Variants in PTK2 observed in about 807,000 individuals in gnomAD.
PTK2 encodes the protein protein tyrosine kinase 2, also known as focal adhesion kinase 1.
Under a neutral mutation model 150.1 loss-of-function variants are expected in PTK2, and 45 were observed. The ratio of observed to expected loss-of-function variants is 0.30; its 90% confidence interval spans 0.24 to 0.38. The LOEUF (loss-of-function observed/expected upper bound fraction) is 0.38. Ranked by LOEUF, PTK2 falls within the 10% of genes least tolerant of loss-of-function variation. PTK2 has a pLI of 1.00. For missense variants in PTK2, 919 were observed against 1,307.3 expected, an observed-to-expected ratio of 0.70 and a Z score of 4.58; for synonymous variants, 432 against 449.2, an observed-to-expected ratio of 0.96 and a Z score of 0.48.
chr8:140,940,967 T>C (rs2100175533), intron 1 of PTK2, among the ~76,000 whole-genome samples: 1 of 151,858 alleles, frequency 6.6e-6, no homozygotes, highest in Admixed American at 6.6e-5. Context: ...CGAAACTCCA[T>C]CTCAAAAAAA....
At chr8:140,693,564 T>TAAAAAAAAAAAAAAA (rs377205785) in intron 26 of PTK2, among the ~76,000 whole-genome samples, 2 of 72,458 alleles carry the variant, frequency 2.8e-5, no homozygotes, top group African/African-American at 6.0e-5. Context: ...TTGTCTCAAT[T>TAAAAAAAAAAAAAAA]AAAAAAAAAA....
At chr8:140,725,962 T>G (rs192521261) in intron 22 of PTK2, among the ~76,000 whole-genome samples, 1 of 152,122 alleles carries the variant, frequency 6.6e-6, no homozygotes, top group East Asian at 1.9e-4. Flanking sequence ...AAGAAGCTAT[T>G]ATATTCAAGG....
chr8:140,674,850 C>A (rs1221298176), intron 28 of PTK2, among the ~76,000 whole-genome samples: 4 of 150,586 alleles, frequency 2.7e-5, no homozygotes, highest in African/African-American at 9.8e-5. Context: ...AGTTCAAGAC[C>A]AGCCTGGGCA....
intron 1 of PTK2, among the ~76,000 whole-genome samples, chr8:140,971,058 C>T (rs1176151401): frequency 1.3e-5 from 2 of 152,128 alleles, no homozygotes; most frequent in African/African-American, 4.8e-5. Flanking sequence ...ACTGTTTATT[C>T]AAGGAGTCAA....
intron 8 of PTK2, 28 bp from the exon 9 acceptor site, chr8:140,819,048 T>C (rs2100106584): frequency 6.2e-7 from 1 of 1,607,098 alleles, no homozygotes; most frequent in Non-Finnish European, 8.5e-7. Flanking sequence ...CAAAACATCT[T>C]GTAAAAATCA....
At chr8:140,779,665 A>C (rs530388678) in intron 14 of PTK2, among the ~76,000 whole-genome samples, 6 of 152,164 alleles carry the variant, frequency 3.9e-5, no homozygotes, top group Non-Finnish European at 8.8e-5. Context: ...ATAAAGACAA[A>C]ACAGAGGGTA....
chr8:140,849,663 G>A lies in PTK2; in HGVS notation c.451-2985C>T, dbSNP rs370059621. Among the ~76,000 whole-genome samples the A allele has an allele frequency of 6.6e-5, 10 of 152,290 alleles. No individual in the cohort carries two copies. The South Asian group carries it at 2.1e-3, about 32-fold the overall frequency. ...GCCTAAAAGATTGATCAAAATGATA[G>A]CAGTAGATAATAATCCTACTTAAGG... On this transcript the variant is annotated intron_variant, in intron 5 of 31. Coordinates refer to ENST00000522684, the Ensembl canonical transcript of PTK2.
intron 10 of PTK2, among the ~76,000 whole-genome samples, chr8:140,811,921 A>C (rs2100101806): frequency 6.6e-6 from 1 of 152,232 alleles, no homozygotes; most frequent in African/African-American, 2.4e-5. Flanking sequence ...TTATGTAAAG[A>C]GACCAAATCT....
At chr8:140,962,880 C>A (rs56397100) in intron 1 of PTK2, among the ~76,000 whole-genome samples, 3,285 of 151,914 alleles carry the variant, frequency 0.022, 125 homozygotes, top group African/African-American at 0.076. Flanking sequence ...AGGTCCCCCC[C>A]CCCAACCCAA....
At position 140,814,962 on chromosome 8, in the gene PTK2, G is replaced by C. The variant is rs557623632; in HGVS notation, c.867+3315C>G. Among the ~76,000 whole-genome samples, 6 of 152,140 alleles carry C rather than the reference G, an allele frequency of 3.9e-5. No individual in the cohort carries two copies. In the South Asian group the frequency reaches 1.2e-3, roughly 32 times the overall value. On this transcript the variant is annotated intron_variant, in intron 10 of 31. Coordinates refer to ENST00000522684, the Ensembl canonical transcript of PTK2. ...GCTGATTTTTTGTATTTTTAGTAGG[G>C]ACAGGGTTTCACCGTGTTAGCCAGG...
At chr8:140,824,000 A>G (rs1324175379) in intron 8 of PTK2, among the ~76,000 whole-genome samples, 4 of 152,160 alleles carry the variant, frequency 2.6e-5, no homozygotes, top group African/African-American at 4.8e-5. Context: ...TCAGCATCTG[A>G]TGACTAAGAA....
At chr8:140,966,122 T>C (rs2100185183) in intron 1 of PTK2, among the ~76,000 whole-genome samples, 1 of 152,204 alleles carries the variant, frequency 6.6e-6, no homozygotes, top group Admixed American at 6.5e-5. Flanking sequence ...GAACTGGCTT[T>C]CTTCTCTTCA....
At position 140,803,665 on chromosome 8, in the gene PTK2, G is replaced by C. The variant is rs761241738; in HGVS notation, c.868-15C>G. ...AGATGTGTGGGCTATAAAAAGGAAA[G>C]GTAAAATCTTTAGACTACGGATAAA... is the stretch of plus-strand genomic sequence containing the variant. On this transcript the variant is annotated splice_polypyrimidine_tract_variant and intron_variant, in intron 10 of 31. Transcript: ENST00000522684. 3 of 1,598,660 alleles carry C rather than the reference G, an allele frequency of 1.9e-6. No individual in the cohort carries two copies. In the South Asian group the frequency reaches 3.3e-5, roughly 18 times the overall value.
chr8:140,774,175 G>T (rs1177137288), intron 14 of PTK2, among the ~76,000 whole-genome samples: 1 of 152,154 alleles, frequency 6.6e-6, no homozygotes, highest in Non-Finnish European at 1.5e-5. Context: ...TGAGTTACTT[G>T]TTCTCTTTGG....
intron 14 of PTK2, 133 bp downstream of exon 14, chr8:140,789,341 G>T: frequency 4.0e-6 from 3 of 751,244 alleles, no homozygotes; most frequent in Non-Finnish European, 5.9e-6. Flanking sequence ...GTAAAATTAT[G>T]CAAATTTGGA....
At chr8:140,825,747 C>G (rs558308412) in intron 8 of PTK2, among the ~76,000 whole-genome samples, 1 of 152,152 alleles carries the variant, frequency 6.6e-6, no homozygotes, top group Non-Finnish European at 1.5e-5. Context: ...CACATCTTGT[C>G]TCCTCAGCCT....
chr8:140,886,441 C>T (rs572351174), intron 3 of PTK2, among the ~76,000 whole-genome samples: 1 of 152,236 alleles, frequency 6.6e-6, no homozygotes, highest in Non-Finnish European at 1.5e-5. Context: ...TAACCAATCA[C>T]AGGATGGCGA....
At chr8:140,994,745 T>C (rs971613863) in intron 1 of PTK2, among the ~76,000 whole-genome samples, 3 of 152,142 alleles carry the variant, frequency 2.0e-5, no homozygotes, top group African/African-American at 7.2e-5. Flanking sequence ...ACTATTCCAC[T>C]TACTGGGCCC....
At chr8:140,940,402 T>C (rs1162518961) in intron 1 of PTK2, among the ~76,000 whole-genome samples, 1 of 151,876 alleles carries the variant, frequency 6.6e-6, no homozygotes, top group African/African-American at 2.4e-5. Context: ...TGAGATGAGA[T>C]AGTGCCACTG....
Sources: allele counts gnomAD v4.1 joint callset (sites outside exome capture counted in the v4.1 genomes callset), GRCh38; gene constraint gnomAD v4.1.1; transcripts MANE v1.5; gene names NCBI Gene and HGNC (gene_info 2026-07-23, HGNC 2026-07-21).